Variants in ADGRL2 observed in about 807,000 individuals in gnomAD.
ADGRL2 encodes the protein adhesion G protein-coupled receptor L2.
In ADGRL2, 44 loss-of-function variants were observed where a neutral mutation model predicts 157.4. The ratio of observed to expected loss-of-function variants is 0.28; its 90% confidence interval spans 0.22 to 0.36. The LOEUF (loss-of-function observed/expected upper bound fraction) is 0.36. Among genes scored for constraint, ADGRL2 ranks in the 10% least tolerant of loss-of-function variants. The pLI, the probability that ADGRL2 is intolerant of heterozygous loss-of-function variation, is 1.00. For missense variants in ADGRL2, 1,510 were observed against 1,768.9 expected (o/e 0.85, Z 2.63); for synonymous variants, 585 against 624.7 (o/e 0.94, Z 0.95).
intron 2 of ADGRL2, among the ~76,000 whole-genome samples, chr1:81,770,410 C>T (rs1428618206): frequency 6.6e-6 from 1 of 152,070 alleles, no homozygotes; most frequent in African/African-American, 2.4e-5. Flanking sequence ...ATTCGCCCGC[C>T]TTGGCCTCTC....
At chr1:81,760,433 C>T (rs1025814297) in intron 1 of ADGRL2, among the ~76,000 whole-genome samples, 6 of 152,190 alleles carry the variant, frequency 3.9e-5, no homozygotes, top group South Asian at 2.1e-4. Flanking sequence ...AAAACACATT[C>T]CTCATGGAAT....
At chr1:81,529,888 A>G (rs560772437) in intron 2 of ADGRL2, among the ~76,000 whole-genome samples, 27 of 152,348 alleles carry the variant, frequency 1.8e-4, no homozygotes, top group African/African-American at 6.5e-4. Flanking sequence ...ATAAGGTTAA[A>G]TGACACTAAA....
intron 3 of ADGRL2, among the ~76,000 whole-genome samples, chr1:81,684,791 C>T (rs774904508): frequency 6.6e-6 from 1 of 152,152 alleles, no homozygotes; most frequent in Non-Finnish European, 1.5e-5. Context: ...TTCAATCCAT[C>T]TTGAGTTGAT....
At chr1:81,644,069 C>T (rs1009814312) in intron 3 of ADGRL2, among the ~76,000 whole-genome samples, 20 of 152,094 alleles carry the variant, frequency 1.3e-4, no homozygotes, top group African/African-American at 4.8e-4. Flanking sequence ...CAGAAATAGA[C>T]CCACAGAAAT....
At chr1:81,497,424 T>G (rs1419302647) in intron 2 of ADGRL2, among the ~76,000 whole-genome samples, 1 of 152,104 alleles carries the variant, frequency 6.6e-6, no homozygotes, top group Non-Finnish European at 1.5e-5. Flanking sequence ...TGGACTATAA[T>G]TATTTTATGA....
At chr1:81,615,566 AT>A (rs2081627404) in intron 3 of ADGRL2, among the ~76,000 whole-genome samples, 1 of 152,334 alleles carries the variant, frequency 6.6e-6, no homozygotes, top group South Asian at 2.1e-4. Flanking sequence ...CGGACACACC[AT>A]CTTTAAGAAC....
At chr1:81,926,878 C>T (rs1170822146) in intron 3 of ADGRL2, among the ~76,000 whole-genome samples, 4 of 151,860 alleles carry the variant, frequency 2.6e-5, no homozygotes, top group African/African-American at 9.7e-5. Context: ...GTGAGTCAAG[C>T]CTAATTTGCA....
chr1:81,479,081 T>C (rs932212287), intron 2 of ADGRL2, among the ~76,000 whole-genome samples: 1 of 152,188 alleles, frequency 6.6e-6, no homozygotes, highest in Non-Finnish European at 1.5e-5. Context: ...GTAAAAATAA[T>C]GTCTGTTAAT....
chr1:81,384,806 T>A (rs1309988494), intron 1 of ADGRL2, among the ~76,000 whole-genome samples: 1 of 152,136 alleles, frequency 6.6e-6, no homozygotes, highest in Non-Finnish European at 1.5e-5. Context: ...TTTCATTATG[T>A]AGCTGGTAAT....
intron 2 of ADGRL2, among the ~76,000 whole-genome samples, chr1:81,884,661 G>A (rs2094081142): frequency 6.6e-6 from 1 of 152,142 alleles, no homozygotes; most frequent in South Asian, 2.1e-4. Flanking sequence ...GGGGAGGTAG[G>A]CTTATAAATA....
chr1:81,547,023 C>T (rs7522614), intron 2 of ADGRL2, among the ~76,000 whole-genome samples: 2,264 of 152,288 alleles, frequency 0.015, 55 homozygotes, highest in African/African-American at 0.051. Context: ...CCCCCATCTC[C>T]ACTTTTGCTG....
At chr1:81,901,464 G>A (rs1344435560) in intron 2 of ADGRL2, among the ~76,000 whole-genome samples, 1 of 151,972 alleles carries the variant, frequency 6.6e-6, no homozygotes, top group Admixed American at 6.6e-5. Context: ...GATTCAGTAG[G>A]TCTGGGATAG....
At chr1:81,336,666 G>A (rs1661662482) in intron 1 of ADGRL2, among the ~76,000 whole-genome samples, 2 of 152,002 alleles carry the variant, frequency 1.3e-5, no homozygotes, top group South Asian at 4.2e-4. Flanking sequence ...GTGTCTGGAT[G>A]GCCTAATCCT....
At chr1:81,936,655 C>A in intron 3 of ADGRL2, 73 bp from the exon 4 acceptor site, 1 of 857,482 alleles carries the variant, frequency 1.2e-6, no homozygotes, top group Non-Finnish European at 1.8e-6. Flanking sequence ...ATGAGAAAAA[C>A]TTCTATGTTA....
At chr1:81,817,534 G>T (rs1434891443) in intron 1 of ADGRL2, among the ~76,000 whole-genome samples, 1 of 151,908 alleles carries the variant, frequency 6.6e-6, no homozygotes, top group African/African-American at 2.4e-5. Flanking sequence ...TCAGAAATTT[G>T]TCTGGGTCTT....
chr1:81,879,883 C>T (rs141932851), intron 2 of ADGRL2, among the ~76,000 whole-genome samples: 215 of 152,054 alleles, frequency 1.4e-3, no homozygotes, highest in African/African-American at 5.0e-3. Flanking sequence ...AAAAATTAGC[C>T]GGGCTTGTTG....
Position 81,984,619 on chromosome 1 carries a change from T to G in ADGRL2, c.3319T>G (p.Tyr1107Asp). ...KEYGKCFRHS[Y>D]CCGGLPTESP... ...ATATGGCAAGTGCTTCAGACACTCA[T>G]ACTGCTGTGGAGGCCTCCCAACTGA... The change falls in exon 20 of 24, where the codon TAC becomes GAC. Residue 1107 changes from tyrosine to aspartate, a missense_variant. Around this residue, in one of 4 missense-constraint regions of ADGRL2, gnomAD observed 497 missense variants for 627.2 expected, o/e 0.79. Coordinates refer to ENST00000686636, the MANE Select transcript of ADGRL2 (RefSeq NM_001366006.2). The G allele has an allele frequency of 6.2e-7, 1 of 1,612,486 alleles. No individual in the cohort carries two copies. The highest frequency in any genetic ancestry group is 8.5e-7 in the Non-Finnish European group (1 of 1,178,882).
At chr1:81,755,314 C>T (rs2085650192) in intron 1 of ADGRL2, among the ~76,000 whole-genome samples, 1 of 150,912 alleles carries the variant, frequency 6.6e-6, no homozygotes, top group South Asian at 2.1e-4. Flanking sequence ...TAGCAATTTG[C>T]CTGGCACTAC....
chr1:81,501,738 A>G (rs2078853217), intron 2 of ADGRL2: 15 of 1,609,234 alleles, frequency 9.3e-6, no homozygotes, highest in Non-Finnish European at 1.2e-5. Flanking sequence ...GTTCAGAGTC[A>G]TGCCACTCTG....
Sources: allele counts gnomAD v4.1 joint callset (sites outside exome capture counted in the v4.1 genomes callset), GRCh38; gene constraint gnomAD v4.1.1; regional missense constraint gnomAD v4.1.1; transcripts MANE v1.5; gene names NCBI Gene and HGNC (gene_info 2026-07-23, HGNC 2026-07-21).